The following APBB1IP variants were observed in gnomAD, a reference collection of about 807,000 sequenced individuals.
The protein encoded by APBB1IP is amyloid beta A4 precursor protein-binding family B member 1-interacting protein.
In APBB1IP, 27 loss-of-function variants were observed where a neutral mutation model predicts 64.9. That is an observed-to-expected ratio of 0.42 (90% CI 0.31 to 0.57). APBB1IP has a LOEUF of 0.57. Ranked by LOEUF, APBB1IP falls within the 20% of genes least tolerant of loss-of-function variation. The pLI, the probability that APBB1IP is intolerant of heterozygous loss-of-function variation, is 0.20. For missense variants in APBB1IP, 812 were observed against 845.5 expected (o/e 0.96, Z 0.49); for synonymous variants, 392 against 331.0 (o/e 1.18, Z -2.00).
intron 11 of APBB1IP, among the ~76,000 whole-genome samples, chr10:26,556,024 CA>C (rs2132480205): frequency 6.6e-6 from 1 of 152,354 alleles, no homozygotes; most frequent in South Asian, 2.1e-4. Context: ...CACCCTCTCT[CA>C]CCCTGTTTTC....
At chr10:26,498,441 G>A (rs889368262) in intron 4 of APBB1IP, among the ~76,000 whole-genome samples, 17 of 152,044 alleles carry the variant, frequency 1.1e-4, no homozygotes, top group African/African-American at 3.4e-4. Context: ...ACCAGAAGGC[G>A]GAGGTTGCAG....
At chr10:26,456,813 A>G (rs1437386170) in intron 2 of APBB1IP, among the ~76,000 whole-genome samples, 1 of 151,698 alleles carries the variant, frequency 6.6e-6, no homozygotes, top group Non-Finnish European at 1.5e-5. Flanking sequence ...AAAAGAAAAG[A>G]AGGAGAGATT....
intron 2 of APBB1IP, among the ~76,000 whole-genome samples, chr10:26,444,460 G>A (rs116935909): frequency 0.039 from 5,912 of 152,270 alleles, 156 homozygotes; most frequent in Middle Eastern, 0.071. Context: ...CCATGACAAA[G>A]CGTTGGATTC....
At chr10:26,455,479 G>A (rs1236033530) in intron 2 of APBB1IP, among the ~76,000 whole-genome samples, 2 of 150,212 alleles carry the variant, frequency 1.3e-5, no homozygotes, top group Non-Finnish European at 3.0e-5. Flanking sequence ...AGTGAGTTGA[G>A]ATTGCATCAC....
chr10:26,526,397 T>G (rs1836474106), intron 8 of APBB1IP, among the ~76,000 whole-genome samples: 1 of 152,188 alleles, frequency 6.6e-6, no homozygotes. Context: ...TACTTTTTAT[T>G]TATTCTAATA....
chr10:26,478,889 T>C (rs1228331132), intron 2 of APBB1IP, among the ~76,000 whole-genome samples: 1 of 152,054 alleles, frequency 6.6e-6, no homozygotes. Context: ...GGGATTTTTT[T>C]CTACTTGGGG....
intron 2 of APBB1IP, among the ~76,000 whole-genome samples, chr10:26,444,112 T>C (rs1292789265): frequency 1.3e-5 from 2 of 152,114 alleles, no homozygotes; most frequent in African/African-American, 4.8e-5. Flanking sequence ...GTTAACCAAG[T>C]GGCTATCTGG....
chr10:26,518,254 A>T (rs1207312417), intron 8 of APBB1IP, among the ~76,000 whole-genome samples: 17 of 139,200 alleles, frequency 1.2e-4, no homozygotes, highest in South Asian at 2.3e-4. Context: ...CGCCCAGCCT[A>T]TTTTTTTTTT....
intron 5 of APBB1IP, chr10:26,501,416 T>A (rs1290097924): frequency 5.6e-6 from 3 of 537,182 alleles, no homozygotes; most frequent in Non-Finnish European, 9.9e-6. Flanking sequence ...AACATCATAT[T>A]GAAATGTGGA....
intron 2 of APBB1IP, among the ~76,000 whole-genome samples, chr10:26,476,679 A>C (rs534338934): frequency 6.6e-6 from 1 of 152,266 alleles, no homozygotes; most frequent in South Asian, 2.1e-4. Context: ...CAGTACAGTA[A>C]ATGTACAGTA....
chr10:26,567,150 C>T lies in APBB1IP; in HGVS notation c.1663C>T (p.Pro555Ser). Reference protein sequence around the residue: ...GLPAPPDDFLPPPPPPPPLDD... With the variant: ...GLPAPPDDFLSPPPPPPPLDD... Reference sequence around the variant, plus strand: ...GCCCGCCCCACCCGACGACTTCCTGCCGCCGCCGCCACCGCCGCCGCCCCT... The same window carrying T: ...GCCCGCCCCACCCGACGACTTCCTGTCGCCGCCGCCACCGCCGCCGCCCCT... The change falls in exon 15 of 15, where the codon CCG becomes TCG. Residue 555 changes from proline to serine, a missense_variant. Transcript: ENST00000376236. 7.1e-7 allele frequency: 1 copy of T among 1,414,110 alleles called. No homozygotes were observed. Among genetic ancestry groups the T allele is most frequent in the Non-Finnish European group, 9.2e-7 (1 of 1,092,378 alleles). 87.6% of individuals were successfully genotyped at this position (1,414,110 alleles called of 1,614,324 possible). A position where few individuals can be genotyped will look rare whatever the true frequency, so the allele number is the denominator to read the frequency against.
intron 8 of APBB1IP, among the ~76,000 whole-genome samples, chr10:26,531,702 G>A (rs1836556776): frequency 6.6e-6 from 1 of 151,500 alleles, no homozygotes; most frequent in African/African-American, 2.4e-5. Flanking sequence ...CCTTTTTTAT[G>A]CATTGTATTT....
intron 8 of APBB1IP, among the ~76,000 whole-genome samples, chr10:26,513,937 T>C (rs559677729): frequency 3.2e-4 from 49 of 152,330 alleles, no homozygotes; most frequent in African/African-American, 1.2e-3. Flanking sequence ...GGTTTCACCA[T>C]GTTGGCCAGG....
Position 26,567,194 on chromosome 10 carries a change from G to A in APBB1IP, c.1707G>A (p.Pro569=). The A allele has an allele frequency of 1.4e-6, 2 of 1,389,982 alleles. No individual in the cohort carries two copies. The highest frequency in any genetic ancestry group is 1.4e-5 in the South Asian group (1 of 69,020). The allele number at this position is 1,389,982 out of a possible 1,614,324, so 86.1% of individuals were successfully genotyped here. A position where few individuals can be genotyped will look rare whatever the true frequency, so the allele number is the denominator to read the frequency against. ...CGCCCCTCGATGACCCTGAGCTCCC[G>A]CCGCCGCCCCCGGACTTCATGGAGC... is the stretch of plus-strand genomic sequence containing the variant. ...PPPPLDDPEL[P]PPPPDFMEPP... Residue 569 remains proline, a synonymous_variant, in exon 15 of 15, where the codon CCG becomes CCA. Transcript: ENST00000376236.
chr10:26,540,946 T>C (rs1836689235), intron 10 of APBB1IP, among the ~76,000 whole-genome samples: 1 of 152,028 alleles, frequency 6.6e-6, no homozygotes, highest in Non-Finnish European at 1.5e-5. Context: ...TTTTTTTTTT[T>C]TTAATGCTCA....
In APBB1IP at chr10:26,567,213, A is replaced by G; in HGVS notation, c.1726A>G (p.Met576Val). Residue 576 changes from methionine to valine, a missense_variant, in exon 15 of 15, where the codon ATG (methionine) becomes GTG (valine). Met to Val is a conservative substitution (Grantham distance 21). This residue lies in a region of APBB1IP where 381 missense variants were observed against 352.1 expected (regional missense o/e 1.08). Transcript: ENST00000376236. ...GCTCCCGCCGCCGCCCCCGGACTTC[A>G]TGGAGCCGCCCCCAGACTTCGTGCC... ...PELPPPPPDFMEPPPDFVPPP... is the reference protein window; with the variant it reads ...PELPPPPPDFVEPPPDFVPPP... 1 of 1,344,442 alleles carries G rather than the reference A, an allele frequency of 7.4e-7. No individual in the cohort carries two copies. Among genetic ancestry groups the G allele is most frequent in the Non-Finnish European group, 9.5e-7 (1 of 1,053,752 alleles). The allele number at this position is 1,344,442 out of a possible 1,614,324, so 83.3% of individuals were successfully genotyped here. A position where few individuals can be genotyped will look rare whatever the true frequency, so the allele number is the denominator to read the frequency against.
At chr10:26,520,540 C>T (rs1836390510) in intron 8 of APBB1IP, among the ~76,000 whole-genome samples, 1 of 152,104 alleles carries the variant, frequency 6.6e-6, no homozygotes, top group African/African-American at 2.4e-5. Flanking sequence ...GGGATAGTGC[C>T]TGGGAGAGGC....
chr10:26,515,691 T>C (rs1836317476), intron 8 of APBB1IP, among the ~76,000 whole-genome samples: 1 of 152,214 alleles, frequency 6.6e-6, no homozygotes, highest in Non-Finnish European at 1.5e-5. Context: ...ATAGCTATTG[T>C]ATAACTAAGA....
chr10:26,454,410 C>A (rs1835498807), intron 2 of APBB1IP, among the ~76,000 whole-genome samples: 1 of 152,050 alleles, frequency 6.6e-6, no homozygotes, highest in African/African-American at 2.4e-5. Flanking sequence ...TCTGGCTGCT[C>A]AGGAATCTGA....
Sources: allele counts gnomAD v4.1 joint callset (sites outside exome capture counted in the v4.1 genomes callset), GRCh38; gene constraint gnomAD v4.1.1; regional missense constraint gnomAD v4.1.1; transcripts MANE v1.5; gene names NCBI Gene and HGNC (gene_info 2026-07-23, HGNC 2026-07-21).